KCNN4: variants seen among roughly 807,000 people sequenced by gnomAD.
The protein encoded by KCNN4 is potassium calcium-activated channel subfamily N member 4, also known as intermediate conductance calcium-activated potassium channel protein 4.
In KCNN4, 31 loss-of-function variants were observed where a neutral mutation model predicts 45.2. The ratio of observed to expected loss-of-function variants is 0.69; its 90% CI spans 0.52 to 0.92. KCNN4 has a LOEUF of 0.92. Ranked by LOEUF, KCNN4 falls within the 40% of genes least tolerant of loss-of-function variation. The pLI is 0.00. For synonymous variants in KCNN4, 231 were observed against 254.6 expected (o/e 0.91, Z 0.88); for missense variants, 463 against 574.0 (o/e 0.81, Z 1.98).
At position 43,769,956 on chromosome 19, in the gene KCNN4, G is replaced by A. The variant is rs922728999; in HGVS notation, c.820-127C>T. 8 of 653,000 alleles carry A rather than the reference G, an allele frequency of 1.2e-5. No individual in the cohort carries two copies. The Middle Eastern group carries it at 1.4e-3, about 114-fold the overall frequency. 40.5% of individuals were successfully genotyped at this position (653,000 alleles called of 1,614,324 possible). Reference sequence around the variant, plus strand: ...CAGACAAGCAAAGAGGCTCAGAGAGGAGAGCCAAGGTCCCAGCTCAGAGCG... The same window carrying A: ...CAGACAAGCAAAGAGGCTCAGAGAGAAGAGCCAAGGTCCCAGCTCAGAGCG... On this transcript the variant is annotated intron_variant, in intron 4 of 8. Transcript: ENST00000648319. The surrounding 1 kb of genome is among the most constrained non-coding windows in gnomAD (Gnocchi z 4.4).
Position 43,767,533 on chromosome 19 carries a change from C to T in KCNN4, c.*3+7G>A. On this transcript the variant is annotated splice_region_variant and intron_variant, in intron 8 of 8. Transcript: ENST00000648319. Reference sequence around the variant, plus strand: ...ATGCCTTCCTGCCCAAGTCCCAGCCCCCTCACCAGCTACTTGGACTGCTGG... The same window carrying T: ...ATGCCTTCCTGCCCAAGTCCCAGCCTCCTCACCAGCTACTTGGACTGCTGG... The T allele has an allele frequency of 6.2e-7, 1 of 1,612,440 alleles. No homozygotes were observed. The highest frequency in any genetic ancestry group is 8.5e-7 in the Non-Finnish European group (1 of 1,179,466).
chr19:43,776,726 T>TGA, intron 1 of KCNN4, 90 bp from the exon 2 acceptor site: 1 of 816,438 alleles, frequency 1.2e-6, no homozygotes, highest in African/African-American at 1.7e-5. Flanking sequence ...CATTTTTTTT[T>TGA]TTTGATTCCC....
At position 43,769,905 on chromosome 19, in the gene KCNN4, C is replaced by T. The variant is rs539432048; in HGVS notation, c.820-76G>A. ...CTTGAACCCGCCCAACAGCCACAGA[C>T]GGTAGGCACGACCATCCCCAGTTAG... On this transcript the variant is annotated intron_variant, in intron 4 of 8. Coordinates refer to ENST00000648319, the MANE Select transcript of KCNN4 (RefSeq NM_002250.3). The surrounding 1 kb of genome is among the most constrained non-coding windows in gnomAD (Gnocchi z 4.4). The T allele has an allele frequency of 2.7e-5, 26 of 956,438 alleles. 1 individual carries two copies. The highest frequency in any genetic ancestry group is 2.2e-4 in the Middle Eastern group (1 of 4,472). The allele number at this position is 956,438 out of a possible 1,614,324, so 59.2% of individuals were successfully genotyped here.
Position 43,774,069 on chromosome 19 carries a change from G to A in KCNN4, c.683+123C>T. 3 of 1,051,998 alleles carry A rather than the reference G, an allele frequency of 2.9e-6. No homozygotes were observed. The highest frequency in any genetic ancestry group is 4.1e-6 in the Non-Finnish European group (3 of 732,672). 65.2% of individuals were successfully genotyped at this position (1,051,998 alleles called of 1,614,324 possible). On this transcript the variant is annotated intron_variant, in intron 3 of 8. Coordinates refer to ENST00000648319, the MANE Select transcript of KCNN4 (RefSeq NM_002250.3). The surrounding 1 kb of genome is among the most constrained non-coding windows in gnomAD (Gnocchi z 5.6). ...ATTTCAGCCAGCAAGAGGAGAAGGGGTCAAAGTGTGAACTTTCTCCACTGC... is the reference window on the plus strand; with the variant it reads ...ATTTCAGCCAGCAAGAGGAGAAGGGATCAAAGTGTGAACTTTCTCCACTGC...
intron 1 of KCNN4, among the ~76,000 whole-genome samples, chr19:43,777,130 T>G (rs541849878): frequency 1.3e-3 from 200 of 152,016 alleles, no homozygotes; most frequent in Non-Finnish European, 2.4e-3. Context: ...CACCATCATC[T>G]GGTCCCCAGG....
At chr19:43,773,990 G>A (rs1028210293) in intron 3 of KCNN4, among the ~76,000 whole-genome samples, 2 of 152,198 alleles carry the variant, frequency 1.3e-5, no homozygotes. Flanking sequence ...TGGAGGATTG[G>A]CTGGGGGCTT....
intron 8 of KCNN4, 140 bp from the exon 9 acceptor site, chr19:43,767,229 G>C: frequency 3.2e-6 from 1 of 316,544 alleles, no homozygotes. Context: ...AGGCCAGGGG[G>C]CAGGAGGGCA....
rs1023046604 is a variant in KCNN4 at position 43,774,586 on chromosome 19, G to T, written c.289C>A (p.Arg97Ser). The T allele has an allele frequency of 1.3e-5, 20 of 1,523,136 alleles. No individual in the cohort carries two copies. The highest frequency in any genetic ancestry group is 8.3e-5 in the African/African-American group (6 of 72,104). The allele number at this position is 1,523,136 out of a possible 1,614,324, so 94.4% of individuals were successfully genotyped here. A position where few individuals can be genotyped will look rare whatever the true frequency, so the allele number is the denominator to read the frequency against. ...GCCTGCCGCCCGGTCAGCGCCACGC[G>T]CCAGTCCCGCAGCCCGTTGTCGGTC... is the stretch of plus-strand genomic sequence containing the variant. ...FMTDNGLRDW[R>S]VALTGRQAAQ... Residue 97 changes from arginine (R) to serine (S), a missense_variant, in exon 3 of 9, where the codon CGC (arginine) becomes AGC (serine). Transcript: ENST00000648319. The surrounding 1 kb of genome is among the most constrained non-coding windows in gnomAD (Gnocchi z 5.6).
chr19:43,775,572 T>C (rs1394056681), intron 2 of KCNN4, among the ~76,000 whole-genome samples: 1 of 152,148 alleles, frequency 6.6e-6, no homozygotes, highest in Non-Finnish European at 1.5e-5. Context: ...TGTGCACTGT[T>C]TACTGAGCAC....
rs766322047 is a variant in KCNN4 at position 43,772,935 on chromosome 19, G to C, written c.684-800C>G. ...CTCCCATCATTCAATTGAGAAACATGGTGGGGGGATCATTCATTAATCCTG... is the reference window on the plus strand; with the variant it reads ...CTCCCATCATTCAATTGAGAAACATCGTGGGGGGATCATTCATTAATCCTG... On this transcript the variant is annotated intron_variant, in intron 3 of 8. Transcript: ENST00000648319. This position sits in a 1 kb window ranked among gnomAD's most constrained non-coding sequence, Gnocchi z 4.4. 3.2e-4 allele frequency among the ~76,000 whole-genome samples: 48 copies of C among 152,196 alleles called. No individual in the cohort carries two copies. Among genetic ancestry groups the C allele is most frequent in the Admixed American group, 8.5e-4 (13 of 15,276 alleles).
chr19:43,767,974 G>A (rs1035929569), intron 7 of KCNN4, among the ~76,000 whole-genome samples: 1 of 152,208 alleles, frequency 6.6e-6, no homozygotes, highest in Non-Finnish European at 1.5e-5. Flanking sequence ...GCATGGAACA[G>A]TTAAATGACA....
In KCNN4 at chr19:43,780,867, C is replaced by G. The variant is rs1969969011; in HGVS notation, c.-6G>C. 1 of 1,613,534 alleles carries G rather than the reference C, an allele frequency of 6.2e-7. No individual in the cohort carries two copies. Among genetic ancestry groups the G allele is most frequent in the African/African-American group, 1.3e-5 (1 of 74,928 alleles). ...AGCACCAGATCCCCGCCCATGGCCC[C>G]CGGGGTCTTGGGGCTCAGCCAGCTT... On this transcript the variant is annotated 5_prime_UTR_variant, in exon 1 of 9. Coordinates refer to ENST00000648319, the MANE Select transcript of KCNN4 (RefSeq NM_002250.3).
At chr19:43,767,497 C>T (rs1350624869) in intron 8 of KCNN4, 43 bp downstream of exon 8, 1 of 1,594,938 alleles carries the variant, frequency 6.3e-7, no homozygotes, top group African/African-American at 1.3e-5. Flanking sequence ...CACAGGAACC[C>T]TTCCTCCAGG....
At chr19:43,773,666 C>T (rs1057395117) in intron 3 of KCNN4, among the ~76,000 whole-genome samples, 3 of 152,158 alleles carry the variant, frequency 2.0e-5, no homozygotes, top group Non-Finnish European at 2.9e-5. Context: ...AATTGAGGCG[C>T]GGCATCGGGT....
rs1969758955 is a variant in KCNN4 at position 43,774,996 on chromosome 19, G to A, written c.256-377C>T. 6.6e-6 allele frequency among the ~76,000 whole-genome samples: 1 copy of A among 152,304 alleles called. No individual in the cohort carries two copies. Among genetic ancestry groups the A allele is most frequent in the South Asian group, 2.1e-4 (1 of 4,826 alleles). On this transcript the variant is annotated intron_variant, in intron 2 of 8. Coordinates refer to ENST00000648319, the MANE Select transcript of KCNN4 (RefSeq NM_002250.3). The surrounding 1 kb of genome is among the most constrained non-coding windows in gnomAD (Gnocchi z 5.6). ...GCTCGCTCCTACTCCCCTTTCGGTT[G>A]ACACGCGTAATAACTGTAATAATAA...
rs540451303 is a variant in KCNN4, at chr19:43,778,949, C to T, written c.159+1754G>A. Reference sequence around the variant, plus strand: ...AGGAGCTGTGGCTCAGGCCTGTAATCCCAGCACTTTGAGGCAGGAGGATTG... The same window carrying T: ...AGGAGCTGTGGCTCAGGCCTGTAATTCCAGCACTTTGAGGCAGGAGGATTG... On this transcript the variant is annotated intron_variant, in intron 1 of 8. Coordinates refer to ENST00000648319, the MANE Select transcript of KCNN4 (RefSeq NM_002250.3). Among the ~76,000 whole-genome samples, 9 of 152,284 alleles carry T rather than the reference C, an allele frequency of 5.9e-5. No individual in the cohort carries two copies. In the East Asian group the frequency reaches 1.7e-3, roughly 29 times the overall value.
At chr19:43,777,472 C>G (rs1027367261) in intron 1 of KCNN4, among the ~76,000 whole-genome samples, 19 of 152,008 alleles carry the variant, frequency 1.2e-4, no homozygotes, top group Non-Finnish European at 2.5e-4. Context: ...AACTACCATT[C>G]AATCCTCAAA....
chr19:43,769,923 C>A lies in KCNN4; in HGVS notation c.820-94G>T. Reference sequence around the variant, plus strand: ...CCACAGACGGTAGGCACGACCATCCCCAGTTAGCAGACAAGCAAAGAGGCT... The same window carrying A: ...CCACAGACGGTAGGCACGACCATCCACAGTTAGCAGACAAGCAAAGAGGCT... On this transcript the variant is annotated intron_variant, in intron 4 of 8. Transcript: ENST00000648319. This position sits in a 1 kb window ranked among gnomAD's most constrained non-coding sequence, Gnocchi z 4.4. 1 of 781,808 alleles carries A rather than the reference C, an allele frequency of 1.3e-6. No homozygotes were observed. Among genetic ancestry groups the A allele is most frequent in the Non-Finnish European group, 2.1e-6 (1 of 468,086 alleles). 48.4% of individuals were successfully genotyped at this position (781,808 alleles called of 1,614,324 possible). A position where few individuals can be genotyped will look rare whatever the true frequency, so the allele number is the denominator to read the frequency against.
Position 43,767,683 on chromosome 19 carries a change from G to T in KCNN4, c.1144C>A (p.Gln382Lys), listed in dbSNP as rs1969520718. ...SKMHMILYDL[Q>K]QNLSSSHRAL... Reference sequence around the variant, plus strand: ...CGGTGTGAGCTGCTCAGATTCTGCTGCAGGTCATACAGGATCATGTGCATC... The same window carrying T: ...CGGTGTGAGCTGCTCAGATTCTGCTTCAGGTCATACAGGATCATGTGCATC... Residue 382 changes from glutamine to lysine, a missense_variant, in exon 8 of 9, where the codon CAG (glutamine) becomes AAG (lysine). Gln to Lys is a moderately conservative substitution (Grantham distance 53). Coordinates refer to ENST00000648319, the MANE Select transcript of KCNN4 (RefSeq NM_002250.3). 6.2e-7 allele frequency: 1 copy of T among 1,614,052 alleles called. No homozygotes were observed. The highest frequency in any genetic ancestry group is 1.3e-5 in the African/African-American group (1 of 74,916).
Sources: gnomAD v4.1 joint callset for allele counts (sites outside exome capture counted in the v4.1 genomes callset) on GRCh38, gnomAD v4.1.1 for gene constraint, Gnocchi (gnomAD v3.1) non-coding constraint, MANE v1.5 for transcripts, NCBI Gene and HGNC (gene_info 2026-07-23, HGNC 2026-07-21) for gene names.